TOM1L2: variants seen among roughly 807,000 people sequenced by gnomAD.
TOM1L2 encodes TOM1-like protein 2.
In TOM1L2, 31 loss-of-function variants were observed where a neutral mutation model predicts 67.9. The ratio of observed to expected loss-of-function variants is 0.46; its 90% CI spans 0.34 to 0.62. The LOEUF (loss-of-function observed/expected upper bound fraction) is 0.62. Among genes scored for constraint, TOM1L2 ranks in the 20% least tolerant of loss-of-function variants. The pLI, the probability that TOM1L2 is intolerant of heterozygous loss-of-function variation, is 0.01. For synonymous variants in TOM1L2, 256 were observed against 254.0 expected (o/e 1.01, Z -0.07); for missense variants, 606 against 663.5 (o/e 0.91, Z 0.95).
At chr17:17,870,186 C>A (rs1314959982) in intron 7 of TOM1L2, among the ~76,000 whole-genome samples, 1 of 152,164 alleles carries the variant, frequency 6.6e-6, no homozygotes, top group African/African-American at 2.4e-5. Context: ...CCAGGCAGCT[C>A]CCTGGCTGGC....
chr17:17,887,817 G>A (rs2038076276), intron 4 of TOM1L2, among the ~76,000 whole-genome samples: 1 of 152,144 alleles, frequency 6.6e-6, no homozygotes, highest in African/African-American at 2.4e-5. Flanking sequence ...TCTCACCCGT[G>A]TACAGAGAAG....
chr17:17,955,434 G>A (rs1291963359), intron 1 of TOM1L2, among the ~76,000 whole-genome samples: 2 of 150,980 alleles, frequency 1.3e-5, no homozygotes, highest in Non-Finnish European at 2.9e-5. Flanking sequence ...TGCCTCCCGG[G>A]TTCAAGCGAT....
At chr17:17,922,651 G>A (rs2144620226) in intron 1 of TOM1L2, among the ~76,000 whole-genome samples, 1 of 152,222 alleles carries the variant, frequency 6.6e-6, no homozygotes, top group Admixed American at 6.5e-5. Context: ...CATAAAACGG[G>A]CAAAACAATT....
intron 8 of TOM1L2, among the ~76,000 whole-genome samples, chr17:17,867,407 G>A (rs891589024): frequency 6.6e-5 from 10 of 152,148 alleles, no homozygotes; most frequent in African/African-American, 2.4e-4. Flanking sequence ...CTACGGCCTG[G>A]GGAAATGCTC....
chr17:17,934,199 C>A (rs967008634), intron 1 of TOM1L2, among the ~76,000 whole-genome samples: 2 of 152,170 alleles, frequency 1.3e-5, no homozygotes, highest in African/African-American at 4.8e-5. Context: ...AATCCCAGCA[C>A]TTTAGGAGGC....
intron 1 of TOM1L2, among the ~76,000 whole-genome samples, chr17:17,952,479 C>A (rs973170517): frequency 7.0e-6 from 1 of 142,728 alleles, no homozygotes; most frequent in South Asian, 2.2e-4. Context: ...CAGCCTCGAC[C>A]TTCCCAGGCT....
chr17:17,957,561 TTAC>T (rs2041510177), intron 1 of TOM1L2, among the ~76,000 whole-genome samples: 3 of 151,920 alleles, frequency 2.0e-5, no homozygotes, highest in South Asian at 2.1e-4. Context: ...TGTATGCATT[TTAC>T]TACAAGTAAA....
rs879696462 is a variant in TOM1L2 at position 17,854,691 on chromosome 17, A to ATT, written c.1279-3741_1279-3740dup. Among the ~76,000 whole-genome samples the ATT allele has an allele frequency of 9.1e-5, 13 of 142,492 alleles. No individual in the cohort carries two copies. The East Asian group carries it at 1.2e-3, about 13-fold the overall frequency. 93.5% of individuals were successfully genotyped at this position (142,492 alleles called of 152,430 possible). A position where few individuals can be genotyped will look rare whatever the true frequency, so the allele number is the denominator to read the frequency against. On this transcript the variant is annotated intron_variant, in intron 12 of 14. Transcript: ENST00000379504. ...AGGCGTGAGCCACCACACCTGCCTA[A>ATT]TTTTTTTTTTTTTTGTATTTTTAGT...
At position 17,848,870 on chromosome 17, in the gene TOM1L2, A is replaced by G; in HGVS notation, c.1339-11T>C. 2 of 1,614,086 alleles carry G rather than the reference A, an allele frequency of 1.2e-6. No individual in the cohort carries two copies. Among genetic ancestry groups the G allele is most frequent in the Non-Finnish European group, 1.7e-6 (2 of 1,180,006 alleles). ...CAGATCATCACCCTTCTGTGGGAGGAGCAGAGAAAATGAAATTAGGGCACT... is the reference window on the plus strand; with the variant it reads ...CAGATCATCACCCTTCTGTGGGAGGGGCAGAGAAAATGAAATTAGGGCACT... On this transcript the variant is annotated splice_polypyrimidine_tract_variant and intron_variant, in intron 13 of 14. Transcript: ENST00000379504.
At chr17:17,869,168 ACAAGAAGCATTTTTCCTGTCAG>A (rs2037012597) in intron 8 of TOM1L2, 150 bp downstream of exon 8, 2 of 1,284,950 alleles carry the variant, frequency 1.6e-6, no homozygotes, top group East Asian at 5.2e-5. Flanking sequence ...TCCCAGGAGG[ACAAGAAGCATTTTTCCTGTCAG>A]CCGGGAACAA....
chr17:17,895,514 C>T (rs1294675427), intron 3 of TOM1L2, among the ~76,000 whole-genome samples: 1 of 152,168 alleles, frequency 6.6e-6, no homozygotes, highest in Non-Finnish European at 1.5e-5. Flanking sequence ...GAGTTTTATC[C>T]AATTCTCACA....
intron 6 of TOM1L2, 142 bp downstream of exon 6, chr17:17,882,563 C>G: frequency 8.7e-7 from 1 of 1,155,818 alleles, no homozygotes; most frequent in Non-Finnish European, 1.2e-6. Flanking sequence ...GCATCTCTCT[C>G]CCCTGGGGAT....
At chr17:17,944,927 T>C (rs1000469855) in intron 1 of TOM1L2, among the ~76,000 whole-genome samples, 5 of 152,204 alleles carry the variant, frequency 3.3e-5, no homozygotes, top group Non-Finnish European at 5.9e-5. Flanking sequence ...CCATTTTTCA[T>C]AGGCCGGATG....
At chr17:17,900,705 G>T (rs565408799) in intron 2 of TOM1L2, among the ~76,000 whole-genome samples, 2 of 152,326 alleles carry the variant, frequency 1.3e-5, no homozygotes, top group African/African-American at 4.8e-5. Flanking sequence ...GCTCCATGGG[G>T]ACTGGGCCCA....
intron 1 of TOM1L2, among the ~76,000 whole-genome samples, chr17:17,952,376 CTTTTTTTTTTTTTTTTT>C (rs60388742): frequency 1.0e-4 from 8 of 79,920 alleles, no homozygotes; most frequent in Admixed American, 1.5e-4. Context: ...TCTTTATTTT[CTTTTTTTTTTTTTTTTT>C]TTTTTTTTTT....
chr17:17,950,087 T>G (rs1466740666), intron 1 of TOM1L2, among the ~76,000 whole-genome samples: 2 of 152,092 alleles, frequency 1.3e-5, no homozygotes, highest in Non-Finnish European at 2.9e-5. Context: ...TTTCTCGATC[T>G]CCTGACCTCG....
chr17:17,854,370 C>T (rs979449687), intron 12 of TOM1L2, among the ~76,000 whole-genome samples: 1 of 152,120 alleles, frequency 6.6e-6, no homozygotes, highest in African/African-American at 2.4e-5. Context: ...CTGTTTCTTC[C>T]CTGCAGCTTT....
chr17:17,912,790 C>T (rs1001623383), intron 1 of TOM1L2, among the ~76,000 whole-genome samples: 1 of 151,826 alleles, frequency 6.6e-6, no homozygotes, highest in Non-Finnish European at 1.5e-5. Context: ...GGGTGGCGGC[C>T]GGGCAGAGGC....
intron 7 of TOM1L2, among the ~76,000 whole-genome samples, chr17:17,877,419 C>T (rs909187875): frequency 3.3e-5 from 5 of 152,144 alleles, no homozygotes; most frequent in African/African-American, 1.2e-4. Flanking sequence ...CTCTGGCTGC[C>T]CTCCAGCTTG....
Sources: gnomAD v4.1 joint callset for allele counts (sites outside exome capture counted in the v4.1 genomes callset) on GRCh38, gnomAD v4.1.1 for gene constraint, MANE v1.5 for transcripts, NCBI Gene and HGNC (gene_info 2026-07-23, HGNC 2026-07-21) for gene names.